RASGEF1A: variants seen among roughly 807,000 people sequenced by gnomAD.
The protein encoded by RASGEF1A is ras-GEF domain-containing family member 1A.
RASGEF1A carries 18 observed loss-of-function variants against 56.4 expected under a neutral mutation model. The ratio of observed to expected loss-of-function variants is 0.32; its 90% CI spans 0.22 to 0.47. The LOEUF (loss-of-function observed/expected upper bound fraction) is 0.47, where lower values mean the gene tolerates loss of function less well. Ranked by LOEUF, RASGEF1A falls within the 20% of genes least tolerant of loss-of-function variation. RASGEF1A has a pLI of 1.00. For synonymous variants in RASGEF1A, 245 were observed against 242.6 expected, an observed-to-expected ratio of 1.01 and a Z score of -0.09; for missense variants, 422 against 627.1, an observed-to-expected ratio of 0.67 and a Z score of 3.49.
At chr10:43,266,189 A>C (rs1382540254) in intron 1 of RASGEF1A, among the ~76,000 whole-genome samples, 1 of 151,588 alleles carries the variant, frequency 6.6e-6, no homozygotes, top group Non-Finnish European at 1.5e-5. Context: ...CCCACCTCTC[A>C]CTCACCGACC....
At chr10:43,209,120 GC>G (rs1840033331) in intron 1 of RASGEF1A, 5 of 985,480 alleles carry the variant, frequency 5.1e-6, no homozygotes, top group Non-Finnish European at 6.0e-6. Context: ...CCACCAGGCA[GC>G]CCCTTCCCAA....
At chr10:43,238,832 C>T (rs12254612) in intron 1 of RASGEF1A, among the ~76,000 whole-genome samples, 2,682 of 152,290 alleles carry the variant, frequency 0.018, 74 homozygotes, top group African/African-American at 0.061. Context: ...GAGGATGACA[C>T]TCTAGGCTGG....
intron 1 of RASGEF1A, among the ~76,000 whole-genome samples, chr10:43,256,635 G>A (rs77363217): frequency 0.037 from 5,684 of 152,206 alleles, 149 homozygotes; most frequent in South Asian, 0.075. Flanking sequence ...GACCTCAGCC[G>A]CTTCCCCCAC....
At chr10:43,203,465 G>GC in intron 2 of RASGEF1A, 45 bp from the exon 3 acceptor site, 2 of 1,472,238 alleles carry the variant, frequency 1.4e-6, no homozygotes, top group African/African-American at 1.4e-5. Context: ...GGTGAGGCAG[G>GC]CCCCCGGGGG....
chr10:43,206,843 G>A, intron 1 of RASGEF1A: 1 of 985,910 alleles, frequency 1.0e-6, no homozygotes, highest in Non-Finnish European at 1.2e-6. Context: ...GCTAGAGAGA[G>A]ATCTGGAACT....
chr10:43,248,683 C>T (rs1237836975), intron 1 of RASGEF1A, among the ~76,000 whole-genome samples: 1 of 152,094 alleles, frequency 6.6e-6, no homozygotes, highest in African/African-American at 2.4e-5. Context: ...TTTGGGGTTT[C>T]CCCTTTATTC....
chr10:43,238,883 C>T (rs1010866441), intron 1 of RASGEF1A, among the ~76,000 whole-genome samples: 4 of 152,216 alleles, frequency 2.6e-5, no homozygotes, highest in African/African-American at 4.8e-5. Flanking sequence ...AGGCAACCCA[C>T]GAATACACAA....
chr10:43,196,524 C>T lies in RASGEF1A; in HGVS notation c.1373G>A (p.Ser458Asn), dbSNP rs1839800326. The T allele has an allele frequency of 6.2e-7, 1 of 1,614,004 alleles. No homozygotes were observed. The highest frequency in any genetic ancestry group is 1.3e-5 in the African/African-American group (1 of 75,046). Residue 458 changes from serine to asparagine, a missense_variant, in exon 12 of 13, where the codon AGT becomes AAT. Transcript: ENST00000395810. The surrounding 1 kb of genome is among the most constrained non-coding windows in gnomAD (Gnocchi z 4.6). ...EEALFVASFE[S>N]EGPENHMEKD... ...TTCCATGTGGTTCTCGGGACCCTCA[C>T]TTTCAAAGGAGGCGACGAAGAGAGC... is the stretch of plus-strand genomic sequence containing the variant.
chr10:43,244,404 TA>T (rs60277953), intron 1 of RASGEF1A, among the ~76,000 whole-genome samples: 148,375 of 149,908 alleles, frequency 0.99, 73,489 homozygotes, highest in Middle Eastern at 1. Flanking sequence ...ATAAAAAAAT[TA>T]AAAAAAAAAA....
At position 43,203,682 on chromosome 10, in the gene RASGEF1A, G is replaced by A. The variant is rs1839948776; in HGVS notation, c.199-262C>T. 7.6e-6 allele frequency: 9 copies of A among 1,190,522 alleles called. No homozygotes were observed. In the South Asian group the frequency reaches 1.8e-4, roughly 23 times the overall value. The allele number at this position is 1,190,522 out of a possible 1,614,324, so 73.7% of individuals were successfully genotyped here. ...CCTCCTAGCAGTCTTCCTCCGCTGG[G>A]ATTCTCCCCCTCTCTGCCCCACGCC... On this transcript the variant is annotated intron_variant, in intron 2 of 12. Coordinates refer to ENST00000395810, the MANE Select transcript of RASGEF1A (RefSeq NM_145313.4).
Position 43,201,934 on chromosome 10 carries a change from C to T in RASGEF1A, c.333G>A (p.Lys111=). The T allele has an allele frequency of 1.2e-6, 2 of 1,607,840 alleles. No homozygotes were observed. The highest frequency in any genetic ancestry group is 8.5e-7 in the Non-Finnish European group (1 of 1,176,010). ...GCTGCACGATCTTGGCTGAGAAAGA[C>T]TTCAGCTTGGCCTGGGGCAGCAGGG... ...LEAGPEKAKL[K]SFSAKIVQLL... is the part of the protein sequence containing the mutation. The change falls in exon 4 of 13, where the codon AAG becomes AAA. Residue 111 remains lysine (K), a synonymous_variant. Coordinates refer to ENST00000395810, the MANE Select transcript of RASGEF1A (RefSeq NM_145313.4).
chr10:43,205,857 C>T (rs1465264346), intron 2 of RASGEF1A, 62 bp downstream of exon 2: 33 of 1,401,214 alleles, frequency 2.4e-5, no homozygotes, highest in Non-Finnish European at 3.0e-5. Flanking sequence ...CTCCCACACC[C>T]GACATCTCCT....
intron 1 of RASGEF1A, chr10:43,206,829 C>G (rs1029309741): frequency 5.0e-5 from 49 of 985,768 alleles, no homozygotes; most frequent in Non-Finnish European, 5.9e-5. Flanking sequence ...GGGCTGTGGG[C>G]AGGGCTAGAG....
At position 43,198,108 on chromosome 10, in the gene RASGEF1A, G is replaced by GGCT. The variant is rs762745237; in HGVS notation, c.1117_1119dup (p.Ser373dup). 1 of 1,614,158 alleles carries GGCT rather than the reference G, an allele frequency of 6.2e-7. No homozygotes were observed. Among genetic ancestry groups the GGCT allele is most frequent in the Non-Finnish European group, 8.5e-7 (1 of 1,179,982 alleles). On this transcript the variant is annotated inframe_insertion, in exon 10 of 13. Coordinates refer to ENST00000395810, the MANE Select transcript of RASGEF1A (RefSeq NM_145313.4). ...AACACAGGGATGACGATCTTTTCAC[G>GGCT]GCTGCTGTTGGCCATCTGGGACCTC...
At chr10:43,229,722 G>A (rs553900844) in intron 1 of RASGEF1A, 8 of 1,403,958 alleles carry the variant, frequency 5.7e-6, no homozygotes, top group Admixed American at 6.1e-5. Flanking sequence ...TCCTCTGCCC[G>A]CGAGCCAAGC....
chr10:43,200,817 G>C lies in RASGEF1A; in HGVS notation c.531C>G (p.Ser177Arg). 9 of 1,613,942 alleles carry C rather than the reference G, an allele frequency of 5.6e-6. No homozygotes were observed. Among genetic ancestry groups the C allele is most frequent in the Non-Finnish European group, 7.6e-6 (9 of 1,180,020 alleles). Residue 177 changes from serine (S) to arginine (R), a missense_variant, in exon 5 of 13, where the codon AGC becomes AGG. This residue lies in a region of RASGEF1A where 273 missense variants were observed against 339.9 expected (regional missense o/e 0.80). Coordinates refer to ENST00000395810, the MANE Select transcript of RASGEF1A (RefSeq NM_145313.4). ...QSLLLSLAARSQLQELREKLR... is the reference protein window; with the variant it reads ...QSLLLSLAARRQLQELREKLR... ...GCTTCTCTCGCAGTTCCTGGAGCTG[G>C]CTCCGGGCAGCCAAGGACAGCAACA...
At chr10:43,250,619 A>G (rs1488234704) in intron 1 of RASGEF1A, among the ~76,000 whole-genome samples, 1 of 151,538 alleles carries the variant, frequency 6.6e-6, no homozygotes, top group African/African-American at 2.4e-5. Flanking sequence ...AGAAGCCCCA[A>G]GTGTGGGGTG....
At chr10:43,244,678 C>A (rs974740331) in intron 1 of RASGEF1A, among the ~76,000 whole-genome samples, 1 of 138,374 alleles carries the variant, frequency 7.2e-6, no homozygotes, top group African/African-American at 2.6e-5. Flanking sequence ...GGAAATTACA[C>A]AACATATTCT....
In RASGEF1A at chr10:43,200,717, C is replaced by T. The variant is rs569429774; in HGVS notation, c.631G>A (p.Val211Met). 29 of 1,613,574 alleles carry T rather than the reference C, an allele frequency of 1.8e-5. No individual in the cohort carries two copies. The highest frequency in any genetic ancestry group is 9.9e-5 in the South Asian group (9 of 91,088). ...GCCAGCACCAGGGGGTCGCAGCACA[C>T]GCCCAGGATGTCCTTCTGGGCGGCT... Reference protein sequence around the residue: ...PPAAQKDILGVCCDPLVLAQQ... With the variant: ...PPAAQKDILGMCCDPLVLAQQ... The change falls in exon 5 of 13, where the codon GTG (valine) becomes ATG (methionine). Residue 211 changes from valine to methionine, a missense_variant. Transcript: ENST00000395810.
Sources: allele counts gnomAD v4.1 joint callset (sites outside exome capture counted in the v4.1 genomes callset), GRCh38; gene constraint gnomAD v4.1.1; regional missense constraint gnomAD v4.1.1; non-coding constraint Gnocchi (gnomAD v3.1); transcripts MANE v1.5; gene names NCBI Gene and HGNC (gene_info 2026-07-23, HGNC 2026-07-21).